The following SF3B1 variants were observed in gnomAD, a reference collection of about 807,000 sequenced individuals.
SF3B1 encodes splicing factor 3b subunit 1.
SF3B1 carries 12 observed loss-of-function variants against 153.8 expected under a neutral mutation model. That is an observed-to-expected ratio of 0.08 (90% CI 0.05 to 0.13). The LOEUF is 0.13. Among genes scored for constraint, SF3B1 ranks in the 10% least tolerant of loss-of-function variants. SF3B1 has a pLI of 1.00. For missense variants in SF3B1, 513 were observed against 1,606.1 expected, an observed-to-expected ratio of 0.32 and a Z score of 11.63; for synonymous variants, 498 against 525.2, an observed-to-expected ratio of 0.95 and a Z score of 0.71.
At chr2:197,415,364 T>C (rs2085132704) in intron 6 of SF3B1, among the ~76,000 whole-genome samples, 1 of 152,020 alleles carries the variant, frequency 6.6e-6, no homozygotes, top group African/African-American at 2.4e-5. Context: ...GTGATTCTCC[T>C]GTCTCAGCCT....
chr2:197,433,578 T>C (rs552454742), intron 1 of SF3B1, among the ~76,000 whole-genome samples: 12 of 152,212 alleles, frequency 7.9e-5, no homozygotes, highest in Non-Finnish European at 1.6e-4. Context: ...AGCATTTAAA[T>C]CCTAAATACC....
intron 12 of SF3B1, 42 bp downstream of exon 12, chr2:197,403,543 T>C: frequency 7.3e-7 from 1 of 1,377,576 alleles, no homozygotes; most frequent in South Asian, 1.5e-5. Context: ...CTGAAAAAGT[T>C]AAAACTTTAA....
intron 9 of SF3B1, among the ~76,000 whole-genome samples, chr2:197,407,554 G>A (rs764756744): frequency 3.6e-4 from 54 of 148,626 alleles, no homozygotes; most frequent in Admixed American, 3.0e-3. Flanking sequence ...GCAATGAGCC[G>A]AAATCACGCC....
chr2:197,390,702 T>TCAAG lies in SF3B1; in HGVS notation c.*1597_*1600dup, dbSNP rs1421216397. The stretch of plus-strand genomic sequence containing the variant: ...TCACTGCAAGCTCCGCCTCCCGGGT[T>TCAAG]CAAGCCATTCTCCTGCCTCAGCCTC... On this transcript the variant is annotated 3_prime_UTR_variant, in exon 25 of 25. Transcript: ENST00000335508. 1 of 152,048 alleles carries TCAAG rather than the reference T, an allele frequency of 6.6e-6. No homozygotes were observed. Among genetic ancestry groups the TCAAG allele is most frequent in the Non-Finnish European group, 1.5e-5 (1 of 68,062 alleles). The allele number at this position is 152,048 out of a possible 1,614,324, so 9.4% of individuals were successfully genotyped here.
At chr2:197,414,022 G>C (rs2085111141) in intron 6 of SF3B1, among the ~76,000 whole-genome samples, 2 of 151,970 alleles carry the variant, frequency 1.3e-5, no homozygotes, top group Non-Finnish European at 2.9e-5. Context: ...TGGCCAAGCT[G>C]GTCTTGAACG....
At chr2:197,407,880 G>A in intron 9 of SF3B1, 118 bp downstream of exon 9, 1 of 795,804 alleles carries the variant, frequency 1.3e-6, no homozygotes, top group Admixed American at 2.3e-5. Context: ...AAATAGCTAA[G>A]AGAATGGAAT....
In SF3B1 at chr2:197,416,929, T is replaced by A. The variant is rs538509794; in HGVS notation, c.496-18A>T. 3.8e-6 allele frequency: 6 copies of A among 1,599,148 alleles called. No individual in the cohort carries two copies. In the South Asian group the frequency reaches 6.7e-5, roughly 18 times the overall value. ...ATTTCTCGCTGAAAAAAACAGTGAG[T>A]ATTTACCTTTAAAATGCTTTCAATG... On this transcript the variant is annotated intron_variant, in intron 5 of 24. Coordinates refer to ENST00000335508, the MANE Select transcript of SF3B1 (RefSeq NM_012433.4).
At chr2:197,413,214 A>G (rs2085098172) in intron 6 of SF3B1, among the ~76,000 whole-genome samples, 1 of 152,052 alleles carries the variant, frequency 6.6e-6, no homozygotes, top group African/African-American at 2.4e-5. Flanking sequence ...CAGCCTGGCC[A>G]ACATGGAGAA....
chr2:197,399,206 G>C (rs2084910791), intron 20 of SF3B1, among the ~76,000 whole-genome samples: 1 of 152,134 alleles, frequency 6.6e-6, no homozygotes, highest in Non-Finnish European at 1.5e-5. Flanking sequence ...ATGATTTCTG[G>C]CAAGTAGCTA....
rs113662799 is a variant in SF3B1 at position 197,417,559 on chromosome 2, G to A, written c.496-648C>T. Among the ~76,000 whole-genome samples, 39 of 109,088 alleles carry A rather than the reference G, an allele frequency of 3.6e-4. 2 individuals are homozygous for A. Among genetic ancestry groups the A allele is most frequent in the African/African-American group, 1.3e-3 (35 of 27,532 alleles). The allele number at this position is 109,088 out of a possible 152,430, so 71.6% of individuals were successfully genotyped here. A position where few individuals can be genotyped will look rare whatever the true frequency, so the allele number is the denominator to read the frequency against. The stretch of plus-strand genomic sequence containing the variant: ...TCGAGACCAGCCTGGCCAACATAAC[G>A]AAACCCCACCTCTACTAAAAAAAAA... On this transcript the variant is annotated intron_variant, in intron 5 of 24. Transcript: ENST00000335508.
chr2:197,409,989 A>C lies in SF3B1; in HGVS notation c.685T>G (p.Ser229Ala). The C allele has an allele frequency of 6.2e-7, 1 of 1,614,012 alleles. No individual in the cohort carries two copies. Among genetic ancestry groups the C allele is most frequent in the Non-Finnish European group, 8.5e-7 (1 of 1,179,946 alleles). Residue 229 changes from serine (S) to alanine (A), a missense_variant, in exon 7 of 25, where the codon TCC becomes GCC. Coordinates refer to ENST00000335508, the MANE Select transcript of SF3B1 (RefSeq NM_012433.4). ...DQAETPGHTP[S>A]LRWDETPGRA... ...CCTGGTGTCTCATCCCATCTTAAGG[A>C]AGGAGTATGCCCAGGGGTCTTAAAA...
Position 197,423,970 on chromosome 2 carries a change from A to G in SF3B1, c.33T>C (p.Ile11=). 1 of 1,606,362 alleles carries G rather than the reference A, an allele frequency of 6.2e-7. No individual in the cohort carries two copies. Among genetic ancestry groups the G allele is most frequent in the Non-Finnish European group, 8.5e-7 (1 of 1,178,286 alleles). Residue 11 remains isoleucine, a synonymous_variant, in exon 2 of 25, where the codon ATT becomes ATC. Coordinates refer to ENST00000335508, the MANE Select transcript of SF3B1 (RefSeq NM_012433.4). ...CTTGAATTTCTCGAATCTGTGCTTCAATATCTATAAAAAGATAACACAGAC... is the reference window on the plus strand; with the variant it reads ...CTTGAATTTCTCGAATCTGTGCTTCGATATCTATAAAAAGATAACACAGAC... The part of the protein sequence containing the change: MAKIAKTHED[I]EAQIREIQGK...
At chr2:197,417,055 T>C in intron 5 of SF3B1, 144 bp from the exon 6 acceptor site, 3 of 752,206 alleles carry the variant, frequency 4.0e-6, no homozygotes, top group Non-Finnish European at 4.2e-6. Flanking sequence ...CTACGCTCGC[T>C]GGTTCCATAG....
At chr2:197,417,060 C>A in intron 5 of SF3B1, 149 bp from the exon 6 acceptor site, 1 of 744,552 alleles carries the variant, frequency 1.3e-6, no homozygotes, top group Non-Finnish European at 2.1e-6. Flanking sequence ...CTCGCTGGTT[C>A]CATAGTCTGT....
chr2:197,410,209 CA>C (rs752236675), intron 6 of SF3B1, among the ~76,000 whole-genome samples: 2 of 152,098 alleles, frequency 1.3e-5, no homozygotes, highest in African/African-American at 2.4e-5. Context: ...TGTAAAGTTT[CA>C]ATCCGAAGCA....
Position 197,402,903 on chromosome 2 carries a change from CA to C in SF3B1, c.1806+45del. 1 of 1,607,612 alleles carries C rather than the reference CA, an allele frequency of 6.2e-7. No individual in the cohort carries two copies. The highest frequency in any genetic ancestry group is 1.1e-5 in the South Asian group (1 of 90,680). On this transcript the variant is annotated intron_variant, in intron 13 of 24. Coordinates refer to ENST00000335508, the MANE Select transcript of SF3B1 (RefSeq NM_012433.4). The surrounding 1 kb of genome is among the most constrained non-coding windows in gnomAD (Gnocchi z 4.6). ...AACCATTTCTTTCCATAATCAATTC[CA>C]TAAACAGATATAAATTTTCTTCTCT...
At chr2:197,416,311 A>G (rs545023145) in intron 6 of SF3B1, among the ~76,000 whole-genome samples, 50 of 152,272 alleles carry the variant, frequency 3.3e-4, no homozygotes, top group Non-Finnish European at 6.0e-4. Flanking sequence ...TCTAAAAAGA[A>G]CTTTCCTTAT....
chr2:197,394,899 C>T (rs1175653853), intron 23 of SF3B1, among the ~76,000 whole-genome samples: 2 of 150,812 alleles, frequency 1.3e-5, no homozygotes, highest in African/African-American at 4.9e-5. Context: ...AGCAAAACTC[C>T]GTCCAAAAAA....
chr2:197,391,744 G>A lies in SF3B1; in HGVS notation c.*559C>T, dbSNP rs1286823877. The A allele has an allele frequency of 6.5e-6, 1 of 153,138 alleles. No homozygotes were observed. The highest frequency in any genetic ancestry group is 1.5e-5 in the Non-Finnish European group (1 of 68,598). The allele number at this position is 153,138 out of a possible 1,614,324, so 9.5% of individuals were successfully genotyped here. ...GCTACTTTTCTACGATGATGGAATG[G>A]TTGTGCTAGTTTGAGGGGAACATCC... is the stretch of plus-strand genomic sequence containing the variant. On this transcript the variant is annotated 3_prime_UTR_variant, in exon 25 of 25. Transcript: ENST00000335508.
Sources: gnomAD v4.1 joint callset for allele counts (sites outside exome capture counted in the v4.1 genomes callset) on GRCh38, gnomAD v4.1.1 for gene constraint, Gnocchi (gnomAD v3.1) non-coding constraint, MANE v1.5 for transcripts, NCBI Gene and HGNC (gene_info 2026-07-23, HGNC 2026-07-21) for gene names.